Variants in CTNND2 observed in about 807,000 individuals in gnomAD.
CTNND2 encodes catenin delta 2, also known as catenin delta-2.
A neutral mutation model predicts 144.4 loss-of-function variants in CTNND2; 22 were observed. The observed-to-expected ratio is 0.15, with a 90% CI of 0.11 to 0.22. CTNND2 has a LOEUF of 0.22. CTNND2 is among the 10% of genes least tolerant of loss of function. The probability of loss-of-function intolerance (pLI) is 1.00; values close to 1 mark genes in which losing one functional copy is unlikely to be tolerated. For synonymous variants in CTNND2, 751 were observed against 695.6 expected, an observed-to-expected ratio of 1.08 and a Z score of -1.25; for missense variants, 1,353 against 1,618.8, an observed-to-expected ratio of 0.84 and a Z score of 2.82.
In CTNND2 at chr5:11,385,919, C is replaced by T. The variant is rs546457999; in HGVS notation, c.613-690G>A. 2.3e-3 allele frequency: 353 copies of T among 152,070 alleles called. 2 individuals carry two copies. Among genetic ancestry groups the T allele is most frequent in the African/African-American group, 8.1e-3 (338 of 41,486 alleles). The allele number at this position is 152,070 out of a possible 1,614,324, so 9.4% of individuals were successfully genotyped here. A position where few individuals can be genotyped will look rare whatever the true frequency, so the allele number is the denominator to read the frequency against. ...ATTGGAAATGAGAATGCTAAAAAAG[C>T]CTCCCTTTTCTAGATTTTAATACTG... is the stretch of plus-strand genomic sequence containing the variant. On this transcript the variant is annotated intron_variant, in intron 6 of 21. Coordinates refer to ENST00000304623, the MANE Select transcript of CTNND2 (RefSeq NM_001332.4).
chr5:11,070,886 G>T (rs1649314714), intron 16 of CTNND2, among the ~76,000 whole-genome samples: 1 of 152,004 alleles, frequency 6.6e-6, no homozygotes, highest in African/African-American at 2.4e-5. Flanking sequence ...AGGAAGAAAT[G>T]AAGAGGACGT....
chr5:11,786,501 T>C (rs1473174983), intron 1 of CTNND2, among the ~76,000 whole-genome samples: 1 of 152,192 alleles, frequency 6.6e-6, no homozygotes, highest in Non-Finnish European at 1.5e-5. Context: ...TTCTGAAAAT[T>C]AATTGCTACT....
At chr5:11,113,473 G>T (rs552777495) in intron 13 of CTNND2, among the ~76,000 whole-genome samples, 3 of 152,214 alleles carry the variant, frequency 2.0e-5, no homozygotes, top group Non-Finnish European at 2.9e-5. Context: ...GCAACACCGG[G>T]AATATTTATT....
chr5:11,011,624 C>A (rs1056133282), intron 18 of CTNND2, among the ~76,000 whole-genome samples: 1 of 152,174 alleles, frequency 6.6e-6, no homozygotes, highest in Non-Finnish European at 1.5e-5. Context: ...ATAAGCTGAA[C>A]ATTGGAAAAA....
intron 1 of CTNND2, among the ~76,000 whole-genome samples, chr5:11,809,809 G>A (rs1792219418): frequency 6.6e-6 from 1 of 152,194 alleles, no homozygotes; most frequent in Non-Finnish European, 1.5e-5. Context: ...AGTGATGATT[G>A]AAAGGGTACA....
intron 3 of CTNND2, among the ~76,000 whole-genome samples, chr5:11,539,640 T>C: frequency 6.6e-6 from 1 of 152,336 alleles, no homozygotes; most frequent in Middle Eastern, 3.4e-3. Context: ...CAATGGTCAG[T>C]GGAATTTGCA....
At chr5:11,425,294 G>A (rs1480298049) in intron 3 of CTNND2, among the ~76,000 whole-genome samples, 3 of 152,212 alleles carry the variant, frequency 2.0e-5, no homozygotes, top group Non-Finnish European at 4.4e-5. Flanking sequence ...AGCTACTGCA[G>A]TGCCAATCTG....
chr5:11,621,703 G>A (rs1780851796), intron 2 of CTNND2, among the ~76,000 whole-genome samples: 1 of 152,132 alleles, frequency 6.6e-6, no homozygotes, highest in Admixed American at 6.5e-5. Flanking sequence ...TTGTAAAAAG[G>A]TGACTCTGGG....
intron 16 of CTNND2, among the ~76,000 whole-genome samples, chr5:11,035,800 GAGA>G (rs777878999): frequency 5.9e-5 from 9 of 151,488 alleles, no homozygotes; most frequent in Non-Finnish European, 1.3e-4. Flanking sequence ...TGGAAAGGTT[GAGA>G]AGAAGTGAAC....
chr5:11,308,247 C>G (rs945239982), intron 9 of CTNND2, among the ~76,000 whole-genome samples: 2 of 150,292 alleles, frequency 1.3e-5, no homozygotes, highest in Middle Eastern at 3.5e-3. Flanking sequence ...TTAAAGCAAG[C>G]TATCTATTCA....
chr5:11,556,166 A>T (rs1776216756), intron 3 of CTNND2, among the ~76,000 whole-genome samples: 1 of 152,184 alleles, frequency 6.6e-6, no homozygotes, highest in Non-Finnish European at 1.5e-5. Flanking sequence ...AAAATGATCC[A>T]AAAGCAATCT....
rs372660792 is a variant in CTNND2, at chr5:11,889,171, C to T, written c.37+14646G>A. ...AAAGCCAAAAGCTGGAGTAACTAGACAGCATGCAGAATGTCAACCATGCAG... is the reference window on the plus strand; with the variant it reads ...AAAGCCAAAAGCTGGAGTAACTAGATAGCATGCAGAATGTCAACCATGCAG... On this transcript the variant is annotated intron_variant, in intron 1 of 21. Transcript: ENST00000304623. Among the ~76,000 whole-genome samples, 24 of 152,278 alleles carry T rather than the reference C, an allele frequency of 1.6e-4. No homozygotes were observed. The East Asian group carries it at 4.4e-3, about 28-fold the overall frequency.
Position 11,022,940 on chromosome 5 carries a change from C to T in CTNND2, c.2828G>A (p.Gly943Glu). 1 of 1,614,150 alleles carries T rather than the reference C, an allele frequency of 6.2e-7. No individual in the cohort carries two copies. Among genetic ancestry groups the T allele is most frequent in the Non-Finnish European group, 8.5e-7 (1 of 1,180,026 alleles). Residue 943 changes from glycine to glutamate, a missense_variant, in exon 17 of 22, where the codon GGA becomes GAA. Physicochemically the swap from Gly to Glu is moderately conservative, Grantham distance 98. Around this residue, in one of 4 missense-constraint regions of CTNND2, gnomAD observed 459 missense variants for 674.3 expected, o/e 0.68. Transcript: ENST00000304623. ...TGCAGTGTTGTTGCTGTTGTTCCCTCCTGGAAGCCTGTGGACTAGGTCTCG... is the reference window on the plus strand; with the variant it reads ...TGCAGTGTTGTTGCTGTTGTTCCCTTCTGGAAGCCTGTGGACTAGGTCTCG... ...AMRDLVHRLPGGNNSNNTASK... is the reference protein window; with the variant it reads ...AMRDLVHRLPEGNNSNNTASK...
chr5:11,410,993 T>C (rs1464994155), intron 5 of CTNND2, among the ~76,000 whole-genome samples: 1 of 151,942 alleles, frequency 6.6e-6, no homozygotes, highest in African/African-American at 2.4e-5. Flanking sequence ...TGCCTCAGCC[T>C]CTTGAATAGC....
chr5:11,601,606 C>A (rs74391338), intron 2 of CTNND2, among the ~76,000 whole-genome samples: 1,746 of 152,072 alleles, frequency 0.011, 29 homozygotes, highest in African/African-American at 0.041. Context: ...ATTTTAATAA[C>A]ATATTTTTCT....
intron 3 of CTNND2, among the ~76,000 whole-genome samples, chr5:11,508,171 T>C (rs1334713084): frequency 6.6e-6 from 1 of 152,256 alleles, no homozygotes; most frequent in Non-Finnish European, 1.5e-5. Flanking sequence ...ATTCAGCTAC[T>C]GTAAACAGCT....
intron 1 of CTNND2, among the ~76,000 whole-genome samples, chr5:11,742,051 G>A (rs1424291709): frequency 6.7e-6 from 1 of 150,146 alleles, no homozygotes; most frequent in Non-Finnish European, 1.5e-5. Context: ...GACTCGGGGG[G>A]AAAGGGTGGG....
At position 11,563,942 on chromosome 5, in the gene CTNND2, G is replaced by C. The variant is rs752811431; in HGVS notation, c.287+1002C>G. 1.3e-5 allele frequency among the ~76,000 whole-genome samples: 2 copies of C among 152,186 alleles called. 1 individual carries two copies. Among genetic ancestry groups the C allele is most frequent in the Non-Finnish European group, 2.9e-5 (2 of 68,042 alleles). Reference sequence around the variant, plus strand: ...TTCCTACTTCTGCAGAGTGGCTGCTGACCCCAGGACTCTGCCCCACTTCCA... The same window carrying C: ...TTCCTACTTCTGCAGAGTGGCTGCTCACCCCAGGACTCTGCCCCACTTCCA... On this transcript the variant is annotated intron_variant, in intron 3 of 21. Transcript: ENST00000304623.
chr5:11,427,326 G>A lies in CTNND2; in HGVS notation c.288-15257C>T, dbSNP rs183656288. Among the ~76,000 whole-genome samples, 116 of 137,350 alleles carry A rather than the reference G, an allele frequency of 8.4e-4. 1 individual carries two copies. Among genetic ancestry groups the A allele is most frequent in the Middle Eastern group, 9.4e-3 (2 of 212 alleles). 90.1% of individuals were successfully genotyped at this position (137,350 alleles called of 152,430 possible). A position where few individuals can be genotyped will look rare whatever the true frequency, so the allele number is the denominator to read the frequency against. ...AGAGTCTCACTCTGTCACCCACGCT[G>A]AAGTGCAGTGGTGCCATCTCGGCTC... On this transcript the variant is annotated intron_variant, in intron 3 of 21. Coordinates refer to ENST00000304623, the MANE Select transcript of CTNND2 (RefSeq NM_001332.4).
Sources: allele counts gnomAD v4.1 joint callset (sites outside exome capture counted in the v4.1 genomes callset), GRCh38; gene constraint gnomAD v4.1.1; regional missense constraint gnomAD v4.1.1; transcripts MANE v1.5; gene names NCBI Gene and HGNC (gene_info 2026-07-23, HGNC 2026-07-21).